The following SBF2 variants were observed in gnomAD, a reference collection of about 807,000 sequenced individuals.
The protein encoded by SBF2 is SET binding factor 2, also known as myotubularin-related protein 13.
In SBF2, 112 loss-of-function variants were observed where a neutral mutation model predicts 225.2. The ratio of observed to expected loss-of-function variants is 0.50; its 90% CI spans 0.43 to 0.58. The LOEUF (loss-of-function observed/expected upper bound fraction) is 0.58, where lower values mean the gene tolerates loss of function less well. Ranked by LOEUF, SBF2 falls within the 20% of genes least tolerant of loss-of-function variation. SBF2 has a pLI of 0.00. For missense variants in SBF2, 1,996 were observed against 2,206.2 expected (o/e 0.90, Z 1.91); for synonymous variants, 763 against 773.3 (o/e 0.99, Z 0.22).
intron 1 of SBF2, among the ~76,000 whole-genome samples, chr11:10,219,678 G>A (rs1482128652): frequency 1.3e-5 from 2 of 152,034 alleles, no homozygotes; most frequent in East Asian, 1.9e-4. Context: ...GTCTTCCACC[G>A]GATACCCTAA....
At chr11:10,185,890 T>C (rs1257579056) in intron 2 of SBF2, among the ~76,000 whole-genome samples, 2 of 152,156 alleles carry the variant, frequency 1.3e-5, no homozygotes, top group Non-Finnish European at 2.9e-5. Flanking sequence ...TAAGTAACCA[T>C]ACAAATCAGT....
intron 16 of SBF2, among the ~76,000 whole-genome samples, chr11:9,907,963 G>C (rs971179410): frequency 7.9e-5 from 12 of 152,312 alleles, no homozygotes; most frequent in Non-Finnish European, 1.8e-4. Flanking sequence ...GGCAGAGCCA[G>C]AATTTGAACC....
At chr11:10,291,415 T>G (rs187991297) in intron 1 of SBF2, among the ~76,000 whole-genome samples, 112 of 152,292 alleles carry the variant, frequency 7.4e-4, no homozygotes, top group Admixed American at 5.6e-3. Context: ...GCCTCCAGAC[T>G]GTGAAAAATA....
intron 16 of SBF2, among the ~76,000 whole-genome samples, chr11:9,943,273 T>C (rs935046702): frequency 1.3e-5 from 2 of 152,126 alleles, no homozygotes; most frequent in Admixed American, 1.3e-4. Context: ...GTAAAATAAC[T>C]AAACATTTTA....
intron 3 of SBF2, among the ~76,000 whole-genome samples, chr11:10,032,206 A>T (rs1239610979): frequency 2.0e-5 from 3 of 152,214 alleles, no homozygotes; most frequent in Admixed American, 1.3e-4. Flanking sequence ...TGGTTAATAA[A>T]CTTGACAAAA....
At chr11:10,187,962 C>T (rs1290800074) in intron 2 of SBF2, among the ~76,000 whole-genome samples, 2 of 152,126 alleles carry the variant, frequency 1.3e-5, no homozygotes, top group Non-Finnish European at 2.9e-5. Flanking sequence ...CAAATTGTAA[C>T]ATTACAAATA....
chr11:9,865,688 C>CAAAAAAAA lies in SBF2; in HGVS notation c.1930-7300_1930-7293dup, dbSNP rs1174863548. On this transcript the variant is annotated intron_variant, in intron 17 of 39. Coordinates refer to ENST00000256190, the MANE Select transcript of SBF2 (RefSeq NM_030962.4). ...CCTGGATGACAGAGCAAAACTGTCT[C>CAAAAAAAA]AAAAAAAAAAAAAAAAAAAAAAAAA... Among the ~76,000 whole-genome samples the CAAAAAAAA allele has an allele frequency of 8.2e-3, 121 of 14,830 alleles. 26 individuals are homozygous for CAAAAAAAA. Among genetic ancestry groups the CAAAAAAAA allele is most frequent in the East Asian group, 0.016 (6 of 370 alleles). 9.7% of individuals were successfully genotyped at this position (14,830 alleles called of 152,430 possible).
intron 28 of SBF2, among the ~76,000 whole-genome samples, chr11:9,823,359 C>T (rs756616562): frequency 6.6e-6 from 1 of 151,940 alleles, no homozygotes; most frequent in Non-Finnish European, 1.5e-5. Context: ...TTAACCCTGG[C>T]TCATCAGACC....
intron 12 of SBF2, among the ~76,000 whole-genome samples, chr11:9,990,187 G>A (rs989711267): frequency 7.2e-5 from 11 of 152,000 alleles, no homozygotes; most frequent in African/African-American, 2.7e-4. Context: ...AAAAAATTGT[G>A]GGGGGGTAAA....
intron 32 of SBF2, among the ~76,000 whole-genome samples, chr11:9,806,798 G>A (rs928782827): frequency 6.6e-6 from 1 of 152,114 alleles, no homozygotes; most frequent in Non-Finnish European, 1.5e-5. Context: ...TTTTTGGAGT[G>A]ATAAAATGCT....
At chr11:10,153,185 T>G (rs149550070) in intron 2 of SBF2, among the ~76,000 whole-genome samples, 2 of 152,118 alleles carry the variant, frequency 1.3e-5, no homozygotes, top group Non-Finnish European at 2.9e-5. Context: ...ATGTAAGCAA[T>G]GATAAACTAG....
At position 10,193,909 on chromosome 11, in the gene SBF2, A is replaced by T; in HGVS notation, c.134T>A (p.Ile45Asn). ...AATACAACAACCACTTACCAACTCAATTCCCTGTGGAAAAGGTGTATCATC... is the reference window on the plus strand; with the variant it reads ...AATACAACAACCACTTACCAACTCATTTCCCTGTGGAAAAGGTGTATCATC... ...DWDDTPFPQG[I>N]ELFCQPGGWQ... Residue 45 changes from isoleucine (I) to asparagine (N), a missense_variant, in exon 2 of 40, where the codon ATT (isoleucine) becomes AAT (asparagine). Physicochemically the swap from Ile to Asn is moderately radical, Grantham distance 149. Coordinates refer to ENST00000256190, the MANE Select transcript of SBF2 (RefSeq NM_030962.4). 1.2e-6 allele frequency: 2 copies of T among 1,609,378 alleles called. No individual in the cohort carries two copies. The highest frequency in any genetic ancestry group is 1.7e-6 in the Non-Finnish European group (2 of 1,175,800).
intron 2 of SBF2, among the ~76,000 whole-genome samples, chr11:10,179,432 T>C (rs1360633850): frequency 6.6e-6 from 1 of 152,060 alleles, no homozygotes; most frequent in Non-Finnish European, 1.5e-5. Flanking sequence ...AAACTTATTT[T>C]TGTCACCTAA....
chr11:10,141,663 A>G (rs867652848), intron 2 of SBF2, among the ~76,000 whole-genome samples: 1 of 152,172 alleles, frequency 6.6e-6, no homozygotes, highest in Non-Finnish European at 1.5e-5. Flanking sequence ...TCATCATATA[A>G]ATATTTTAGT....
At chr11:10,169,269 T>G (rs958569077) in intron 2 of SBF2, among the ~76,000 whole-genome samples, 4 of 152,178 alleles carry the variant, frequency 2.6e-5, no homozygotes, top group African/African-American at 9.6e-5. Context: ...ACACTAAATC[T>G]TATTCATTCT....
chr11:10,103,054 C>T (rs1240888158), intron 2 of SBF2, among the ~76,000 whole-genome samples: 1 of 152,120 alleles, frequency 6.6e-6, no homozygotes, highest in Admixed American at 6.5e-5. Context: ...GAAACAGATT[C>T]AGTTGGCCTC....
chr11:10,251,678 A>G (rs531531767), intron 1 of SBF2, among the ~76,000 whole-genome samples: 8 of 152,316 alleles, frequency 5.3e-5, no homozygotes, highest in Non-Finnish European at 1.0e-4. Context: ...AATAGTCATG[A>G]TAATAGTCTC....
chr11:10,014,961 C>G (rs1186941514), intron 6 of SBF2, among the ~76,000 whole-genome samples: 1 of 151,924 alleles, frequency 6.6e-6, no homozygotes, highest in Non-Finnish European at 1.5e-5. Flanking sequence ...GAAATCCCGT[C>G]TTTACTAAAA....
At chr11:9,993,490 T>C (rs574704129) in intron 10 of SBF2, among the ~76,000 whole-genome samples, 81 of 152,376 alleles carry the variant, frequency 5.3e-4, no homozygotes, top group African/African-American at 1.9e-3. Flanking sequence ...TAACCTTTTA[T>C]GGCTTCTAAT....
Sources: gnomAD v4.1 joint callset for allele counts (sites outside exome capture counted in the v4.1 genomes callset) on GRCh38, gnomAD v4.1.1 for gene constraint, MANE v1.5 for transcripts, NCBI Gene and HGNC (gene_info 2026-07-23, HGNC 2026-07-21) for gene names.